Variants in CAMK1D observed in about 807,000 individuals in gnomAD.
The protein encoded by CAMK1D is calcium/calmodulin dependent protein kinase ID, also known as calcium/calmodulin-dependent protein kinase type 1D.
CAMK1D carries 9 observed loss-of-function variants against 47.7 expected under a neutral mutation model. The ratio of observed to expected loss-of-function variants is 0.19; its 90% CI spans 0.11 to 0.33. The LOEUF is 0.33. CAMK1D is among the 10% of genes least tolerant of loss of function. The probability of loss-of-function intolerance (pLI) is 1.00; values close to 1 mark genes in which losing one functional copy is unlikely to be tolerated. For missense variants in CAMK1D, 291 were observed against 488.7 expected (o/e 0.60, Z 3.81); for synonymous variants, 184 against 184.9 (o/e 0.99, Z 0.04).
At chr10:12,490,849 T>A (rs1834362296) in intron 1 of CAMK1D, among the ~76,000 whole-genome samples, 1 of 152,068 alleles carries the variant, frequency 6.6e-6, no homozygotes, top group African/African-American at 2.4e-5. Context: ...GTGATAGATA[T>A]CCTAAATACG....
chr10:12,764,438 C>T (rs766266013), intron 4 of CAMK1D, among the ~76,000 whole-genome samples: 6 of 146,262 alleles, frequency 4.1e-5, no homozygotes, highest in Non-Finnish European at 9.0e-5. Context: ...ATTTAACCCT[C>T]CTTGGGCGTA....
intron 1 of CAMK1D, among the ~76,000 whole-genome samples, chr10:12,391,226 G>A (rs751030787): frequency 7.2e-5 from 11 of 152,140 alleles, no homozygotes; most frequent in Non-Finnish European, 1.5e-4. Context: ...CTTCAAGCTC[G>A]TGTGGGGCCC....
chr10:12,812,563 C>A lies in CAMK1D; in HGVS notation c.642-1632C>A, dbSNP rs151199036. The stretch of plus-strand genomic sequence containing the variant: ...CCCAGGAGGTAGAGGTTGCAGTGAG[C>A]TGTGATCACGCCATTGTGCTCCAGC... On this transcript the variant is annotated intron_variant, in intron 6 of 10. Coordinates refer to ENST00000619168, the MANE Select transcript of CAMK1D (RefSeq NM_153498.4). Among the ~76,000 whole-genome samples, 22 of 152,262 alleles carry A rather than the reference C, an allele frequency of 1.4e-4. No homozygotes were observed. The East Asian group carries it at 4.2e-3, about 29-fold the overall frequency.
chr10:12,795,733 G>A (rs1444739901), intron 6 of CAMK1D, among the ~76,000 whole-genome samples: 1 of 152,016 alleles, frequency 6.6e-6, no homozygotes, highest in African/African-American at 2.4e-5. Flanking sequence ...CCCTCTTTTG[G>A]TCTCCATTTA....
intron 1 of CAMK1D, among the ~76,000 whole-genome samples, chr10:12,431,178 T>C (rs1832461811): frequency 6.6e-6 from 1 of 152,188 alleles, no homozygotes. Flanking sequence ...ATTCTTGTAG[T>C]AGAGAAAGGA....
chr10:12,535,639 A>G (rs1835945874), intron 1 of CAMK1D, among the ~76,000 whole-genome samples: 1 of 152,176 alleles, frequency 6.6e-6, no homozygotes, highest in African/African-American at 2.4e-5. Flanking sequence ...GGACAGGTTT[A>G]CTCTGAAAAT....
chr10:12,561,591 T>G (rs1588634445), intron 2 of CAMK1D, among the ~76,000 whole-genome samples: 1 of 152,220 alleles, frequency 6.6e-6, no homozygotes, highest in Non-Finnish European at 1.5e-5. Flanking sequence ...CCCTGCCTGG[T>G]TGGCAGTAAA....
At chr10:12,646,557 A>G (rs1274824284) in intron 2 of CAMK1D, among the ~76,000 whole-genome samples, 1 of 152,182 alleles carries the variant, frequency 6.6e-6, no homozygotes, top group African/African-American at 2.4e-5. Flanking sequence ...TGAGAAAATG[A>G]CCGAACTTCC....
At chr10:12,763,553 G>T (rs1836601689) in intron 4 of CAMK1D, among the ~76,000 whole-genome samples, 1 of 152,134 alleles carries the variant, frequency 6.6e-6, no homozygotes, top group African/African-American at 2.4e-5. Context: ...ATTCAGCCCT[G>T]GGCACTGTGG....
At position 12,563,161 on chromosome 10, in the gene CAMK1D, G is replaced by A. The variant is rs550999251; in HGVS notation, c.224+9805G>A. Among the ~76,000 whole-genome samples, 8 of 152,342 alleles carry A rather than the reference G, an allele frequency of 5.3e-5. No individual in the cohort carries two copies. In the South Asian group the frequency reaches 1.7e-3, roughly 32 times the overall value. ...CAAAGACCTGGGAACCAGGGGAGCC[G>A]ACGTCCAAGGGCCGGAGATGGATGT... On this transcript the variant is annotated intron_variant, in intron 2 of 10. Coordinates refer to ENST00000619168, the MANE Select transcript of CAMK1D (RefSeq NM_153498.4).
chr10:12,395,998 C>A (rs941017166), intron 1 of CAMK1D, among the ~76,000 whole-genome samples: 2 of 151,768 alleles, frequency 1.3e-5, no homozygotes, highest in African/African-American at 4.8e-5. Flanking sequence ...CTCAGCCTCC[C>A]GAGTAGCTGG....
At chr10:12,568,913 A>C (rs150045163) in intron 2 of CAMK1D, among the ~76,000 whole-genome samples, 71 of 152,348 alleles carry the variant, frequency 4.7e-4, no homozygotes, top group African/African-American at 1.7e-3. Flanking sequence ...TTATTCAGTT[A>C]ATACAACTTT....
chr10:12,522,657 T>C (rs979901510), intron 1 of CAMK1D, among the ~76,000 whole-genome samples: 3 of 151,860 alleles, frequency 2.0e-5, no homozygotes, highest in African/African-American at 7.2e-5. Context: ...TTTCCCCCTT[T>C]TCTATTCCAC....
At chr10:12,489,019 T>C (rs981101314) in intron 1 of CAMK1D, among the ~76,000 whole-genome samples, 5 of 151,744 alleles carry the variant, frequency 3.3e-5, no homozygotes, top group Non-Finnish European at 5.9e-5. Context: ...CACTGCAAGC[T>C]CCGCCTCCCA....
intron 2 of CAMK1D, among the ~76,000 whole-genome samples, chr10:12,627,949 C>T (rs1588707517): frequency 6.6e-6 from 1 of 151,956 alleles, no homozygotes; most frequent in African/African-American, 2.4e-5. Context: ...GGCGTGGTGG[C>T]GCACACCTGT....
intron 5 of CAMK1D, among the ~76,000 whole-genome samples, chr10:12,778,300 G>A (rs575206355): frequency 1.4e-3 from 219 of 152,302 alleles, no homozygotes; most frequent in African/African-American, 4.9e-3. Context: ...AATGCACAGG[G>A]TGCCTTAGGA....
chr10:12,590,933 T>C (rs1837976431), intron 2 of CAMK1D, among the ~76,000 whole-genome samples: 1 of 152,228 alleles, frequency 6.6e-6, no homozygotes. Flanking sequence ...TGCTGACAAT[T>C]GTTTTAGCTA....
At chr10:12,360,692 T>C (rs565539412) in intron 1 of CAMK1D, among the ~76,000 whole-genome samples, 1 of 152,202 alleles carries the variant, frequency 6.6e-6, no homozygotes, top group East Asian at 1.9e-4. Flanking sequence ...GAGGCTCAAA[T>C]GGGTCGCAAA....
At chr10:12,485,268 G>A (rs577898260) in intron 1 of CAMK1D, among the ~76,000 whole-genome samples, 3 of 152,312 alleles carry the variant, frequency 2.0e-5, no homozygotes, top group East Asian at 1.9e-4. Flanking sequence ...GTAGAGAGAC[G>A]TGGCTGCCTC....
Sources: gnomAD v4.1 joint callset for allele counts (sites outside exome capture counted in the v4.1 genomes callset) on GRCh38, gnomAD v4.1.1 for gene constraint, MANE v1.5 for transcripts, NCBI Gene and HGNC (gene_info 2026-07-23, HGNC 2026-07-21) for gene names.